CA10: variants seen among roughly 807,000 people sequenced by gnomAD.
The protein encoded by CA10 is carbonic anhydrase-related protein 10.
A neutral mutation model predicts 44.2 loss-of-function variants in CA10; 14 were observed. That is an observed-to-expected ratio of 0.32 (90% CI 0.21 to 0.50). The LOEUF (loss-of-function observed/expected upper bound fraction) is 0.50, where lower values mean the gene tolerates loss of function less well. Ranked by LOEUF, CA10 falls within the 20% of genes least tolerant of loss-of-function variation. The probability of loss-of-function intolerance (pLI) is 0.99; values close to 1 mark genes in which losing one functional copy is unlikely to be tolerated. For synonymous variants in CA10, 159 were observed against 141.6 expected, an observed-to-expected ratio of 1.12 and a Z score of -0.87; for missense variants, 350 against 409.7, an observed-to-expected ratio of 0.85 and a Z score of 1.26.
At position 52,077,348 on chromosome 17, in the gene CA10, T is replaced by TCTTA. The variant is rs577997446; in HGVS notation, c.62-4959_62-4956dup. On this transcript the variant is annotated intron_variant, in intron 1 of 8. Coordinates refer to ENST00000451037, the MANE Select transcript of CA10 (RefSeq NM_020178.5). The stretch of plus-strand genomic sequence containing the variant: ...GAACCTCACTTGTAAGAGGTTGGGG[T>TCTTA]CTTAAAACAGAGGTCAGCAAATTTT... Among the ~76,000 whole-genome samples the TCTTA allele has an allele frequency of 1.9e-3, 293 of 152,174 alleles. 1 individual carries two copies. In the Middle Eastern group the frequency reaches 0.045, roughly 23 times the overall value.
At chr17:51,966,026 T>C (rs1271277177) in intron 2 of CA10, among the ~76,000 whole-genome samples, 1 of 151,878 alleles carries the variant, frequency 6.6e-6, no homozygotes, top group Admixed American at 6.6e-5. Flanking sequence ...AAGTTTCATG[T>C]TATAAAGTCA....
chr17:52,022,492 A>G (rs1405171245), intron 2 of CA10, among the ~76,000 whole-genome samples: 1 of 152,066 alleles, frequency 6.6e-6, no homozygotes, highest in Non-Finnish European at 1.5e-5. Flanking sequence ...CCCACAGCCA[A>G]CACCATAATG....
chr17:51,952,726 G>C (rs1983531599), intron 2 of CA10, among the ~76,000 whole-genome samples: 1 of 151,996 alleles, frequency 6.6e-6, no homozygotes, highest in African/African-American at 2.4e-5. Flanking sequence ...TCTTATCCAG[G>C]GTTACCTGTC....
At chr17:51,916,717 G>A (rs1982013445) in intron 3 of CA10, among the ~76,000 whole-genome samples, 1 of 152,080 alleles carries the variant, frequency 6.6e-6, no homozygotes, top group Admixed American at 6.6e-5. Context: ...ATACAAAGTT[G>A]TATTAAAAGA....
intron 2 of CA10, among the ~76,000 whole-genome samples, chr17:52,037,806 A>T (rs1009212201): frequency 3.3e-5 from 5 of 151,466 alleles, no homozygotes; most frequent in Admixed American, 6.6e-5. Context: ...CTGCTCCCTC[A>T]GTGAAGAATT....
intron 2 of CA10, among the ~76,000 whole-genome samples, chr17:52,014,441 C>A (rs1278025446): frequency 6.6e-6 from 1 of 151,794 alleles, no homozygotes; most frequent in Admixed American, 6.6e-5. Context: ...ATAATTGGAT[C>A]CCTACTTCAT....
intron 4 of CA10, among the ~76,000 whole-genome samples, chr17:51,730,666 C>T (rs896226735): frequency 6.6e-6 from 1 of 152,040 alleles, no homozygotes; most frequent in Non-Finnish European, 1.5e-5. Context: ...TATTAAAGGT[C>T]CACTGTAACT....
chr17:52,074,881 A>G (rs944737568), intron 1 of CA10, among the ~76,000 whole-genome samples: 1 of 152,174 alleles, frequency 6.6e-6, no homozygotes, highest in Non-Finnish European at 1.5e-5. Context: ...AATGGTTGAA[A>G]AAAAAGGGTT....
intron 4 of CA10, among the ~76,000 whole-genome samples, chr17:51,738,912 G>T (rs188049191): frequency 6.6e-6 from 1 of 152,254 alleles, no homozygotes; most frequent in East Asian, 1.9e-4. Context: ...TCCTAATTCT[G>T]CCGCTAAATC....
At chr17:52,054,800 A>C (rs1987178901) in intron 2 of CA10, among the ~76,000 whole-genome samples, 1 of 151,980 alleles carries the variant, frequency 6.6e-6, no homozygotes. Context: ...AATGGAAAGA[A>C]AAAAAGGCAT....
intron 1 of CA10, among the ~76,000 whole-genome samples, chr17:52,111,479 T>C (rs1254975965): frequency 6.6e-6 from 1 of 152,206 alleles, no homozygotes; most frequent in Non-Finnish European, 1.5e-5. Context: ...AGATAGAAGA[T>C]GTGAAGGATT....
At chr17:51,880,913 C>T (rs1260419081) in intron 3 of CA10, among the ~76,000 whole-genome samples, 1 of 151,496 alleles carries the variant, frequency 6.6e-6, no homozygotes, top group East Asian at 2.0e-4. Context: ...GGTGATTAGA[C>T]AATTTATTTA....
At chr17:52,018,843 G>A (rs1250865468) in intron 2 of CA10, among the ~76,000 whole-genome samples, 4 of 148,978 alleles carry the variant, frequency 2.7e-5, no homozygotes, top group Non-Finnish European at 6.0e-5. Context: ...CAGTATTACA[G>A]GTGGACCTAG....
chr17:51,674,911 G>A (rs560721340), intron 4 of CA10, among the ~76,000 whole-genome samples: 1 of 152,220 alleles, frequency 6.6e-6, no homozygotes, highest in South Asian at 2.1e-4. Flanking sequence ...TCCTTTTTAG[G>A]CTGCTGCTAA....
chr17:51,713,961 C>G (rs1916018861), intron 4 of CA10, among the ~76,000 whole-genome samples: 1 of 152,206 alleles, frequency 6.6e-6, no homozygotes, highest in African/African-American at 2.4e-5. Context: ...TTAGTGTTCT[C>G]TCAAATAAAC....
chr17:51,991,081 T>C (rs1389708576), intron 2 of CA10, among the ~76,000 whole-genome samples: 2 of 152,164 alleles, frequency 1.3e-5, no homozygotes, highest in African/African-American at 4.8e-5. Flanking sequence ...GTGAACTAGA[T>C]AAACACTATG....
chr17:52,045,331 G>A (rs758323920), intron 2 of CA10, among the ~76,000 whole-genome samples: 7 of 151,214 alleles, frequency 4.6e-5, no homozygotes, highest in East Asian at 2.0e-4. Context: ...TACTAAAATC[G>A]TATAGAAAAT....
At chr17:52,048,823 C>T (rs971986738) in intron 2 of CA10, among the ~76,000 whole-genome samples, 1 of 151,944 alleles carries the variant, frequency 6.6e-6, no homozygotes, top group African/African-American at 2.4e-5. Flanking sequence ...TTGCAGATGG[C>T]TTTGGCTACC....
intron 4 of CA10, among the ~76,000 whole-genome samples, chr17:51,666,350 T>A (rs768164930): frequency 3.3e-5 from 5 of 152,166 alleles, no homozygotes; most frequent in Non-Finnish European, 5.9e-5. Flanking sequence ...TTGGAGACCC[T>A]GGTAAGAATA....
Sources: allele counts gnomAD v4.1 joint callset (sites outside exome capture counted in the v4.1 genomes callset), GRCh38; gene constraint gnomAD v4.1.1; transcripts MANE v1.5; gene names NCBI Gene and HGNC (gene_info 2026-07-23, HGNC 2026-07-21).